The following ABCB6 variants were observed in gnomAD, a reference collection of about 807,000 sequenced individuals.
ABCB6 encodes ATP-binding cassette sub-family B member 6.
In ABCB6, 87 loss-of-function variants were observed where a neutral mutation model predicts 99.4. That is an observed-to-expected ratio of 0.88 (90% CI 0.74 to 1.05). The LOEUF (loss-of-function observed/expected upper bound fraction) is 1.05, where lower values mean the gene tolerates loss of function less well. Ranked by LOEUF, ABCB6 falls within the 50% of genes least tolerant of loss-of-function variation. The probability of loss-of-function intolerance (pLI) is 0.00; values close to 1 mark genes in which losing one functional copy is unlikely to be tolerated. For missense variants in ABCB6, 1,050 were observed against 1,097.9 expected, an observed-to-expected ratio of 0.96 and a Z score of 0.62; for synonymous variants, 482 against 447.5, an observed-to-expected ratio of 1.08 and a Z score of -0.97.
At position 219,216,034 on chromosome 2, in the gene ABCB6, C is replaced by T. The variant is rs1445854518; in HGVS notation, c.1117G>A (p.Ala373Thr). ...GTGACACTGGATGTGCCCCGATCCG[C>T]GATCCGCAGCACCTCCCCTGTGCGG... ...GRRTGEVLRI[A>T]DRGTSSVTGL... is the part of the protein sequence containing the mutation. The change falls in exon 5 of 19, where the codon GCG (alanine) becomes ACG (threonine). Residue 373 changes from alanine (A) to threonine (T), a missense_variant. Physicochemically the swap from Ala to Thr is moderately conservative, Grantham distance 58. Transcript: ENST00000265316. This position sits in a 1 kb window ranked among gnomAD's most constrained non-coding sequence, Gnocchi z 4.2. 3 of 1,602,714 alleles carry T rather than the reference C, an allele frequency of 1.9e-6. No homozygotes were observed. The highest frequency in any genetic ancestry group is 1.1e-5 in the South Asian group (1 of 90,220).
At position 219,212,479 on chromosome 2, in the gene ABCB6, C is replaced by A; in HGVS notation, c.1876G>T (p.Gly626Trp). 6.2e-7 allele frequency: 1 copy of A among 1,614,002 alleles called. No homozygotes were observed. Among genetic ancestry groups the A allele is most frequent in the Non-Finnish European group, 8.5e-7 (1 of 1,179,974 alleles). Residue 626 changes from glycine to tryptophan, a missense_variant, in exon 14 of 19, where the codon GGG becomes TGG. By Grantham distance (184) the Gly-to-Trp change is radical. Coordinates refer to ENST00000265316, the MANE Select transcript of ABCB6 (RefSeq NM_005689.4). ...CGCAAAATTGTGCTCTTCCCTGCCC[C>A]AGATGGGCCCACCTGTTGCATTGGA... ...GQTLALVGPS[G>W]AGKSTILRLL...
intron 13 of ABCB6, among the ~76,000 whole-genome samples, chr2:219,212,710 T>G (rs967539127): frequency 1.3e-5 from 2 of 152,092 alleles, no homozygotes; most frequent in South Asian, 2.1e-4. Flanking sequence ...TTAGTAGAGA[T>G]AGGGTTTCAC....
rs1270992546 is a variant in ABCB6 at position 219,210,983 on chromosome 2, A to G, written c.2094T>C (p.Ala698=). 4 of 1,614,244 alleles carry G rather than the reference A, an allele frequency of 2.5e-6. No individual in the cohort carries two copies. Residue 698 remains alanine (A), a synonymous_variant, in exon 15 of 19, where the codon GCT becomes GCC. Transcript: ENST00000265316. ...RVTAGNDEVE[A]AAQAAGIHDA... ...CATGGATGCCTGCAGCCTGAGCAGC[A>G]GCCTCCACCTCATCATTCCCAGCTG... is the stretch of plus-strand genomic sequence containing the variant.
Position 219,211,116 on chromosome 2 carries a change from C to G in ABCB6, c.1969-8G>C, listed in dbSNP as rs1950573892. On this transcript the variant is annotated splice_region_variant and splice_polypyrimidine_tract_variant and intron_variant, in intron 14 of 18. Coordinates refer to ENST00000265316, the MANE Select transcript of ABCB6 (RefSeq NM_005689.4). ...GAGAGAGGCCTGGGTCACCTAGGGCCAAAAGACCACACACTCTGCCTTATG... is the reference window on the plus strand; with the variant it reads ...GAGAGAGGCCTGGGTCACCTAGGGCGAAAAGACCACACACTCTGCCTTATG... 1 of 1,613,796 alleles carries G rather than the reference C, an allele frequency of 6.2e-7. No individual in the cohort carries two copies. Among genetic ancestry groups the G allele is most frequent in the Non-Finnish European group, 8.5e-7 (1 of 1,179,986 alleles).
chr2:219,212,433 T>C lies in ABCB6; in HGVS notation c.1922A>G (p.Asp641Gly), dbSNP rs1474145675. ...TILRLLFRFY[D>G]ISSGCIRIDG... ...TATTCGGATGCAGCCAGAGCTGATG[T>C]CGTAGAAGCGAAACAGCAGGCGCAA... Residue 641 changes from aspartate to glycine, a missense_variant, in exon 14 of 19, where the codon GAC (aspartate) becomes GGC (glycine). By Grantham distance (94) the Asp-to-Gly change is moderately conservative. Transcript: ENST00000265316. 2 of 1,613,756 alleles carry C rather than the reference T, an allele frequency of 1.2e-6. No homozygotes were observed. Among genetic ancestry groups the C allele is most frequent in the African/African-American group, 2.7e-5 (2 of 74,924 alleles).
chr2:219,210,502 C>T (rs779498162), intron 16 of ABCB6, 27 bp from the exon 17 acceptor site: 1 of 1,608,964 alleles, frequency 6.2e-7, no homozygotes, highest in South Asian at 1.1e-5. Context: ...GGTAAAACTG[C>T]TCCTGCCACT....
Position 219,216,636 on chromosome 2 carries a change from T to C in ABCB6, c.868+16A>G, listed in dbSNP as rs1950645333. 2 of 1,549,850 alleles carry C rather than the reference T, an allele frequency of 1.3e-6. No homozygotes were observed. The highest frequency in any genetic ancestry group is 1.7e-6 in the Non-Finnish European group (2 of 1,145,288). ...ATGAAGGACCAGCACACTGAGCTGG[T>C]GCTCCTCCTGCTCACCAATGTTCCT... On this transcript the variant is annotated intron_variant, in intron 3 of 18. Transcript: ENST00000265316. The surrounding 1 kb of genome is among the most constrained non-coding windows in gnomAD (Gnocchi z 4.2).
Position 219,218,691 on chromosome 2 carries a change from G to C in ABCB6, c.-18C>G. The C allele has an allele frequency of 2.6e-6, 4 of 1,528,278 alleles. No homozygotes were observed. Among genetic ancestry groups the C allele is most frequent in the Non-Finnish European group, 3.5e-6 (4 of 1,136,458 alleles). 94.7% of individuals were successfully genotyped at this position (1,528,278 alleles called of 1,614,324 possible). A position where few individuals can be genotyped will look rare whatever the true frequency, so the allele number is the denominator to read the frequency against. Reference sequence around the variant, plus strand: ...GTCACCATGGCAATGCGTGGACGCCGGCCGAGGCTGCGGGCACTGCGGGAC... The same window carrying C: ...GTCACCATGGCAATGCGTGGACGCCCGCCGAGGCTGCGGGCACTGCGGGAC... On this transcript the variant is annotated 5_prime_UTR_variant, in exon 1 of 19. Transcript: ENST00000265316.
At position 219,216,349 on chromosome 2, in the gene ABCB6, C is replaced by T; in HGVS notation, c.970+15G>A. The T allele has an allele frequency of 6.2e-7, 1 of 1,608,790 alleles. No homozygotes were observed. Among genetic ancestry groups the T allele is most frequent in the Non-Finnish European group, 8.5e-7 (1 of 1,175,280 alleles). On this transcript the variant is annotated intron_variant, in intron 4 of 18. Coordinates refer to ENST00000265316, the MANE Select transcript of ABCB6 (RefSeq NM_005689.4). The surrounding 1 kb of genome is among the most constrained non-coding windows in gnomAD (Gnocchi z 4.2). Reference sequence around the variant, plus strand: ...GGACCTATACCTAGCAGGGTGAGGGCGGAGTCTCTCATACCTGTACTGCCA... The same window carrying T: ...GGACCTATACCTAGCAGGGTGAGGGTGGAGTCTCTCATACCTGTACTGCCA...
At chr2:219,213,396 C>G (rs200205391) in intron 11 of ABCB6, 43 bp downstream of exon 11, 7 of 1,613,792 alleles carry the variant, frequency 4.3e-6, no homozygotes, top group Middle Eastern at 1.6e-4. Flanking sequence ...AAACACCACA[C>G]AGCTCCTCCC....
chr2:219,216,517 G>A lies in ABCB6; in HGVS notation c.869-52C>T. ...CTTATGGCGCCCAGGACTCTCTTCA[G>A]GCAAAATGGCCCCAGGTACCAGCCA... On this transcript the variant is annotated intron_variant, in intron 3 of 18. Coordinates refer to ENST00000265316, the MANE Select transcript of ABCB6 (RefSeq NM_005689.4). This position sits in a 1 kb window ranked among gnomAD's most constrained non-coding sequence, Gnocchi z 4.2. The A allele has an allele frequency of 6.3e-7, 1 of 1,587,082 alleles. No homozygotes were observed.
intron 13 of ABCB6, among the ~76,000 whole-genome samples, 191 bp downstream of exon 13, chr2:219,212,817 C>T (rs538803829): frequency 2.6e-5 from 4 of 151,554 alleles, no homozygotes; most frequent in African/African-American, 4.9e-5. Flanking sequence ...CCACCGCAGC[C>T]GGCCGAGGCC....
At chr2:219,217,145 G>A (rs1255314077) in intron 2 of ABCB6, among the ~76,000 whole-genome samples, 1 of 151,950 alleles carries the variant, frequency 6.6e-6, no homozygotes, top group African/African-American at 2.4e-5. Flanking sequence ...GGTCACCTGA[G>A]GTCAGGAGTT....
rs772354459 is a variant in ABCB6 at position 219,218,801 on chromosome 2, G to A, written c.-128C>T. ...TAGCCGCTGGGCGCCAAGCTGCGGG[G>A]GTCCCGGGAAGGGACGCACGTGGAC... On this transcript the variant is annotated 5_prime_UTR_variant, in exon 1 of 19. Transcript: ENST00000265316. The A allele has an allele frequency of 7.2e-6, 8 of 1,115,032 alleles. No individual in the cohort carries two copies. The highest frequency in any genetic ancestry group is 9.8e-6 in the Non-Finnish European group (8 of 814,994). The allele number at this position is 1,115,032 out of a possible 1,614,324, so 69.1% of individuals were successfully genotyped here.
At position 219,210,737 on chromosome 2, in the gene ABCB6, C is replaced by A; in HGVS notation, c.2230G>T (p.Ala744Ser). Residue 744 changes from alanine (A) to serine (S), a missense_variant, in exon 16 of 19, where the codon GCT becomes TCT. Transcript: ENST00000265316. ...RVAIARTILK[A>S]PGIILLDEAT... ...TCATCCAGCAGAATGATGCCCGGAG[C>A]CTTGAGGATGGTGCGGGCAATGGCG... The A allele has an allele frequency of 6.2e-7, 1 of 1,613,656 alleles. No individual in the cohort carries two copies. The highest frequency in any genetic ancestry group is 8.5e-7 in the Non-Finnish European group (1 of 1,180,012).
In ABCB6 at chr2:219,214,320, C is replaced by T. The variant is rs1342490347; in HGVS notation, c.1386+69G>A. 3 of 1,486,984 alleles carry T rather than the reference C, an allele frequency of 2.0e-6. No individual in the cohort carries two copies. The African/African-American group carries it at 4.1e-5, about 21-fold the overall frequency. The allele number at this position is 1,486,984 out of a possible 1,614,324, so 92.1% of individuals were successfully genotyped here. A position where few individuals can be genotyped will look rare whatever the true frequency, so the allele number is the denominator to read the frequency against. ...ATCACACCCCCAGCTCTCTGTCAGC[C>T]CCAGTGGTCCTGGTTACACTCCTCC... On this transcript the variant is annotated intron_variant, in intron 7 of 18. Transcript: ENST00000265316.
intron 18 of ABCB6, 51 bp downstream of exon 18, chr2:219,210,179 C>G: frequency 1.2e-6 from 2 of 1,611,792 alleles, no homozygotes; most frequent in Non-Finnish European, 8.5e-7. Flanking sequence ...GCCCCCTTTC[C>G]TGGAGCCCCC....
At chr2:219,218,001 C>G in intron 1 of ABCB6, 124 bp downstream of exon 1, 5 of 1,390,098 alleles carry the variant, frequency 3.6e-6, no homozygotes, top group Non-Finnish European at 4.8e-6. Flanking sequence ...CGGCAGGACT[C>G]AGCCCCTCCC....
At chr2:219,217,898 A>T in intron 1 of ABCB6, 91 bp from the exon 2 acceptor site, 1 of 1,512,404 alleles carries the variant, frequency 6.6e-7, no homozygotes, top group Non-Finnish European at 8.8e-7. Context: ...GGTGTCATGA[A>T]CACATTCAGC....
Sources: gnomAD v4.1 joint callset for allele counts (sites outside exome capture counted in the v4.1 genomes callset) on GRCh38, gnomAD v4.1.1 for gene constraint, Gnocchi (gnomAD v3.1) non-coding constraint, MANE v1.5 for transcripts, NCBI Gene and HGNC (gene_info 2026-07-23, HGNC 2026-07-21) for gene names.